FAM110B: variants seen among roughly 807,000 people sequenced by gnomAD.
FAM110B encodes the protein family with sequence similarity 110 member B, also known as protein FAM110B.
Under a neutral mutation model 20.4 loss-of-function variants are expected in FAM110B, and 6 were observed. That is an observed-to-expected ratio of 0.29 (90% CI 0.16 to 0.58). FAM110B has a LOEUF of 0.58. FAM110B is among the 20% of genes least tolerant of loss of function. The pLI, the probability that FAM110B is intolerant of heterozygous loss-of-function variation, is 0.90. For missense variants in FAM110B, 434 were observed against 498.2 expected (o/e 0.87, Z 1.23); for synonymous variants, 226 against 214.1 (o/e 1.06, Z -0.49).
At chr8:58,120,347 G>A (rs1050165892) in intron 3 of FAM110B, among the ~76,000 whole-genome samples, 30 of 151,462 alleles carry the variant, frequency 2.0e-4, no homozygotes, top group Admixed American at 1.4e-3. Flanking sequence ...AGCCCCTCTC[G>A]TCTGAATTAT....
intron 1 of FAM110B, among the ~76,000 whole-genome samples, chr8:58,028,045 A>G (rs1045730482): frequency 6.6e-6 from 1 of 152,238 alleles, no homozygotes; most frequent in African/African-American, 2.4e-5. Context: ...TGCTTGTAAC[A>G]TTTTGAATTT....
intron 3 of FAM110B, among the ~76,000 whole-genome samples, chr8:58,078,647 T>C (rs1243195729): frequency 6.7e-6 from 1 of 148,502 alleles, no homozygotes; most frequent in East Asian, 2.0e-4. Context: ...GCCTTCCAGG[T>C]TCACGCCATT....
At chr8:58,023,611 C>T (rs558084987) in intron 1 of FAM110B, among the ~76,000 whole-genome samples, 24 of 152,294 alleles carry the variant, frequency 1.6e-4, no homozygotes, top group Non-Finnish European at 2.9e-4. Flanking sequence ...CCCTTGTTTA[C>T]ATTCATACAT....
intron 1 of FAM110B, among the ~76,000 whole-genome samples, chr8:58,004,699 C>T (rs369463141): frequency 1.5e-3 from 222 of 152,304 alleles, no homozygotes; most frequent in African/African-American, 5.1e-3. Flanking sequence ...GAGCTGAGAT[C>T]GCACCACTGC....
At chr8:58,064,968 C>T (rs1334445916) in intron 2 of FAM110B, among the ~76,000 whole-genome samples, 1 of 152,140 alleles carries the variant, frequency 6.6e-6, no homozygotes, top group Non-Finnish European at 1.5e-5. Flanking sequence ...TATCCTTTAG[C>T]CTCTACTAAT....
chr8:58,080,805 G>A (rs1329248191), intron 3 of FAM110B, among the ~76,000 whole-genome samples: 1 of 152,178 alleles, frequency 6.6e-6, no homozygotes, highest in South Asian at 2.1e-4. Context: ...GAGCAATGCT[G>A]CCCTCTCCTT....
At chr8:58,035,359 T>C (rs979958961) in intron 2 of FAM110B, among the ~76,000 whole-genome samples, 5 of 152,276 alleles carry the variant, frequency 3.3e-5, no homozygotes, top group African/African-American at 1.2e-4. Context: ...TAACAAACTT[T>C]GGCATTCATT....
At chr8:58,032,469 A>G (rs1804983860) in intron 2 of FAM110B, 1 of 152,204 alleles carries the variant, frequency 6.6e-6, no homozygotes, top group Non-Finnish European at 1.5e-5. Flanking sequence ...TTAGGTGCAC[A>G]TTCTTTAATT....
chr8:58,092,761 C>A (rs749919067), intron 3 of FAM110B, among the ~76,000 whole-genome samples: 8 of 152,158 alleles, frequency 5.3e-5, no homozygotes, highest in Non-Finnish European at 8.8e-5. Context: ...GGTATACACC[C>A]AGTAATGGGA....
chr8:58,031,306 AT>A (rs1236972862), intron 1 of FAM110B: 1 of 152,138 alleles, frequency 6.6e-6, no homozygotes, highest in Non-Finnish European at 1.5e-5. Context: ...CCTTTCTGGG[AT>A]GTTGAGTATG....
intron 3 of FAM110B, among the ~76,000 whole-genome samples, chr8:58,104,064 C>A (rs1156458487): frequency 6.6e-6 from 1 of 152,196 alleles, no homozygotes; most frequent in African/African-American, 2.4e-5. Flanking sequence ...AGCACCTTAT[C>A]TTTTGCTTCT....
At chr8:58,020,051 T>G (rs1297793265) in intron 1 of FAM110B, among the ~76,000 whole-genome samples, 3 of 151,878 alleles carry the variant, frequency 2.0e-5, no homozygotes, top group Non-Finnish European at 2.9e-5. Context: ...AATTTGTGTG[T>G]TTTTTTTCCT....
At chr8:58,029,522 A>G (rs1390401821) in intron 1 of FAM110B, among the ~76,000 whole-genome samples, 2 of 151,782 alleles carry the variant, frequency 1.3e-5, no homozygotes, top group Non-Finnish European at 2.9e-5. Flanking sequence ...TGTTGTAATC[A>G]TGCTGATTAG....
intron 2 of FAM110B, among the ~76,000 whole-genome samples, chr8:58,074,672 A>G (rs1585863315): frequency 6.6e-6 from 1 of 152,210 alleles, no homozygotes; most frequent in Non-Finnish European, 1.5e-5. Context: ...TGTTGAATGA[A>G]TGAGAGAATT....
At chr8:57,996,096 A>G (rs1804179896) in intron 1 of FAM110B, among the ~76,000 whole-genome samples, 1 of 152,226 alleles carries the variant, frequency 6.6e-6, no homozygotes, top group African/African-American at 2.4e-5. Context: ...TCATTCAGGT[A>G]AGCTATTTAT....
chr8:58,111,922 G>C lies in FAM110B; in HGVS notation c.-324-33985G>C, dbSNP rs142531188. Among the ~76,000 whole-genome samples the C allele has an allele frequency of 3.6e-3, 547 of 152,284 alleles. 3 individuals carry two copies. Among genetic ancestry groups the C allele is most frequent in the African/African-American group, 0.013 (529 of 41,556 alleles). On this transcript the variant is annotated intron_variant, in intron 3 of 3. Coordinates refer to ENST00000519262, the MANE Select transcript of FAM110B (RefSeq NM_001377989.1). ...TAAATTCACCCAATGTATATTCATAGTTTGGGTTAGTTACACTTCAAGCAA... is the reference window on the plus strand; with the variant it reads ...TAAATTCACCCAATGTATATTCATACTTTGGGTTAGTTACACTTCAAGCAA...
At chr8:58,020,868 G>A (rs1288523119) in intron 1 of FAM110B, among the ~76,000 whole-genome samples, 1 of 151,988 alleles carries the variant, frequency 6.6e-6, no homozygotes, top group Non-Finnish European at 1.5e-5. Flanking sequence ...ATTACTGCGA[G>A]TCTCTCTCTG....
intron 1 of FAM110B, among the ~76,000 whole-genome samples, chr8:58,029,258 TA>T (rs1276195687): frequency 5.3e-5 from 8 of 152,348 alleles, no homozygotes; most frequent in African/African-American, 1.7e-4. Flanking sequence ...AGAGACTCTA[TA>T]AATCGACTTG....
intron 3 of FAM110B, among the ~76,000 whole-genome samples, chr8:58,089,684 A>G (rs1006504444): frequency 1.7e-4 from 26 of 152,206 alleles, no homozygotes; most frequent in Admixed American, 2.0e-4. Flanking sequence ...AGAAAAAGCT[A>G]TTGTACAGAG....
Sources: allele counts gnomAD v4.1 joint callset (sites outside exome capture counted in the v4.1 genomes callset), GRCh38; gene constraint gnomAD v4.1.1; transcripts MANE v1.5; gene names NCBI Gene and HGNC (gene_info 2026-07-23, HGNC 2026-07-21).